FRS2: variants seen among roughly 807,000 people sequenced by gnomAD.
The protein encoded by FRS2 is fibroblast growth factor receptor substrate 2.
In FRS2, 8 loss-of-function variants were observed where a neutral mutation model predicts 43.9. The observed-to-expected ratio is 0.18, with a 90% CI of 0.11 to 0.33. The LOEUF (loss-of-function observed/expected upper bound fraction) is 0.33, where lower values mean the gene tolerates loss of function less well. Ranked by LOEUF, FRS2 falls within the 10% of genes least tolerant of loss-of-function variation. The pLI, the probability that FRS2 is intolerant of heterozygous loss-of-function variation, is 1.00. For missense variants in FRS2, 534 were observed against 627.6 expected, an observed-to-expected ratio of 0.85 and a Z score of 1.59; for synonymous variants, 219 against 220.3, an observed-to-expected ratio of 0.99 and a Z score of 0.05.
At chr12:69,490,451 AT>A (rs1230647157) in intron 1 of FRS2, among the ~76,000 whole-genome samples, 1 of 136,080 alleles carries the variant, frequency 7.3e-6, no homozygotes, top group Non-Finnish European at 1.6e-5. Context: ...TTTTTTTGGC[AT>A]TTGAAACTTT....
intron 4 of FRS2, among the ~76,000 whole-genome samples, chr12:69,568,357 C>A (rs1283754619): frequency 6.6e-6 from 1 of 152,128 alleles, no homozygotes; most frequent in Non-Finnish European, 1.5e-5. Flanking sequence ...AGTCAAAATA[C>A]CTGCCAAGCC....
chr12:69,509,192 G>A (rs2135568248), intron 1 of FRS2, among the ~76,000 whole-genome samples: 1 of 151,960 alleles, frequency 6.6e-6, no homozygotes, highest in African/African-American at 2.4e-5. Flanking sequence ...AAGACATTTT[G>A]TCTTGCTTCA....
intron 8 of FRS2, among the ~76,000 whole-genome samples, chr12:69,573,765 C>T (rs1407413540): frequency 6.6e-6 from 1 of 152,194 alleles, no homozygotes; most frequent in African/African-American, 2.4e-5. Context: ...GCCCAGCCTG[C>T]GTGTTATTTT....
In FRS2 at chr12:69,578,218, CAT is replaced by C. The variant is rs1176849152; in HGVS notation, c.*3268_*3269del. The C allele has an allele frequency of 1.3e-5, 2 of 152,522 alleles. No individual in the cohort carries two copies. The highest frequency in any genetic ancestry group is 4.8e-5 in the African/African-American group (2 of 41,426). 9.4% of individuals were successfully genotyped at this position (152,522 alleles called of 1,614,324 possible). On this transcript the variant is annotated 3_prime_UTR_variant, in exon 9 of 9. Coordinates refer to ENST00000549921, the MANE Select transcript of FRS2 (RefSeq NM_001278356.2). ...AATGTGTAGTGTGTGTGTATAAATA[CAT>C]ATATTCTTGAAATAGACATACCATC...
At chr12:69,572,801 G>T (rs1439235192) in intron 8 of FRS2, among the ~76,000 whole-genome samples, 1 of 152,132 alleles carries the variant, frequency 6.6e-6, no homozygotes. Flanking sequence ...TTTAAAATCA[G>T]TTTCTTTGTG....
chr12:69,526,098 C>T (rs1312349306), intron 1 of FRS2, among the ~76,000 whole-genome samples: 2 of 152,136 alleles, frequency 1.3e-5, no homozygotes, highest in Non-Finnish European at 2.9e-5. Context: ...CTCAGGTGAT[C>T]TGCTGACCTC....
chr12:69,562,412 C>G, intron 4 of FRS2, 138 bp downstream of exon 4: 1 of 387,770 alleles, frequency 2.6e-6, no homozygotes, highest in Non-Finnish European at 4.5e-6. Context: ...GATTCTCCAC[C>G]TCAGCTTCCC....
intron 1 of FRS2, among the ~76,000 whole-genome samples, chr12:69,494,700 G>A (rs1872729580): frequency 6.6e-6 from 1 of 152,186 alleles, no homozygotes. Flanking sequence ...GATCTTGTAA[G>A]TGCTGACCCT....
rs1309249697 is a variant in FRS2, at chr12:69,574,554, AC to A, written c.1130del (p.Pro377HisfsTer3). The A allele has an allele frequency of 6.2e-7, 1 of 1,613,928 alleles. No homozygotes were observed. The highest frequency in any genetic ancestry group is 1.3e-5 in the African/African-American group (1 of 74,878). ...TGAAGATGACAATTTAGGACCAAAG[AC>A]CCCATCTCTAAATGGCTACCATAAT... Reference protein sequence around the residue: ...RDEDDNLGPKTPSLNGYHNNL... With the variant: ...RDEDDNLGPKXPSLNGYHNNL... On this transcript the variant is annotated frameshift_variant, in exon 9 of 9. Transcript: ENST00000549921. LOFTEE classifies it high-confidence loss of function.
At chr12:69,480,826 A>T (rs1188798912) in intron 1 of FRS2, among the ~76,000 whole-genome samples, 1 of 152,206 alleles carries the variant, frequency 6.6e-6, no homozygotes, top group Admixed American at 6.5e-5. Flanking sequence ...CCAGTATCTG[A>T]AGTCTTTGCA....
chr12:69,524,242 G>A (rs369914682), intron 1 of FRS2, among the ~76,000 whole-genome samples: 4 of 152,214 alleles, frequency 2.6e-5, no homozygotes, highest in South Asian at 2.1e-4. Context: ...GATAGGGGAC[G>A]GGGGTGCACT....
intron 4 of FRS2, among the ~76,000 whole-genome samples, chr12:69,565,863 A>G (rs1379991683): frequency 6.6e-6 from 1 of 152,218 alleles, no homozygotes; most frequent in Non-Finnish European, 1.5e-5. Context: ...CTGATATAAT[A>G]GTAAGATACA....
In FRS2 at chr12:69,546,298, C is replaced by G. The variant is rs534495364; in HGVS notation, c.-122+14242C>G. Among the ~76,000 whole-genome samples the G allele has an allele frequency of 2.6e-5, 4 of 152,092 alleles. No individual in the cohort carries two copies. The East Asian group carries it at 7.7e-4, about 29-fold the overall frequency. ...TTGGAGACAGAGTCTCGCTGTATTG[C>G]TCAGGCTGGAGCGCAGTGGTGTGAT... On this transcript the variant is annotated intron_variant, in intron 3 of 8. Coordinates refer to ENST00000549921, the MANE Select transcript of FRS2 (RefSeq NM_001278356.2).
At chr12:69,547,207 G>A (rs934900839) in intron 3 of FRS2, among the ~76,000 whole-genome samples, 2 of 152,168 alleles carry the variant, frequency 1.3e-5, no homozygotes, top group African/African-American at 4.8e-5. Context: ...AGGGGATAGG[G>A]GGAGGAGGGA....
At chr12:69,476,772 G>A (rs1870825807) in intron 1 of FRS2, among the ~76,000 whole-genome samples, 1 of 138,128 alleles carries the variant, frequency 7.2e-6, no homozygotes. Context: ...GTGTGGGGGT[G>A]GGGAACTTAA....
intron 3 of FRS2, among the ~76,000 whole-genome samples, chr12:69,547,985 T>C (rs778404418): frequency 1.8e-3 from 276 of 152,078 alleles, no homozygotes; most frequent in Non-Finnish European, 2.4e-3. Context: ...TAGCTAGGAC[T>C]ACAGGTGCAT....
chr12:69,485,241 G>A (rs1871804476), intron 1 of FRS2, among the ~76,000 whole-genome samples: 1 of 152,016 alleles, frequency 6.6e-6, no homozygotes, highest in Non-Finnish European at 1.5e-5. Flanking sequence ...GGAGTGCAGT[G>A]GCGCCGTCTC....
intron 1 of FRS2, among the ~76,000 whole-genome samples, chr12:69,485,501 AG>A (rs1428747906): frequency 1.4e-5 from 2 of 140,912 alleles, no homozygotes; most frequent in Non-Finnish European, 3.1e-5. Flanking sequence ...ATTTATTTAG[AG>A]ATGGAGTCTT....
At chr12:69,562,729 G>A (rs1004432941) in intron 4 of FRS2, among the ~76,000 whole-genome samples, 8 of 151,290 alleles carry the variant, frequency 5.3e-5, no homozygotes, top group East Asian at 3.9e-4. Context: ...TTGCTTTGTC[G>A]TCCAGGCTTG....
Sources: allele counts gnomAD v4.1 joint callset (sites outside exome capture counted in the v4.1 genomes callset), GRCh38; gene constraint gnomAD v4.1.1; transcripts MANE v1.5; gene names NCBI Gene and HGNC (gene_info 2026-07-23, HGNC 2026-07-21).